Variants in DUSP13A observed in about 807,000 individuals in gnomAD.
DUSP13A encodes the protein dual specificity phosphatase 13A, also known as dual specificity protein phosphatase 13A.
At chr10:75,106,895 A>C in the DUSP13A span, among the ~76,000 whole-genome samples, 5 of 152,256 alleles carry the variant, frequency 3.3e-5, no homozygotes, top group Non-Finnish European at 7.3e-5. Flanking sequence ...AGGAAACTGA[A>C]GTCCAGAAAG....
the DUSP13A span, chr10:75,105,840 G>A: frequency 2.2e-5 from 34 of 1,550,410 alleles, no homozygotes; most frequent in Non-Finnish European, 2.8e-5. Context: ...AGCGGCTCAC[G>A]CCCACCACAC....
chr10:75,109,130 C>A, the DUSP13A span: 6 of 1,606,168 alleles, frequency 3.7e-6, no homozygotes, highest in Non-Finnish European at 5.1e-6. Context: ...TCCTCTCCCC[C>A]CAGCTCTGGG....
chr10:75,107,478 G>T, the DUSP13A span, among the ~76,000 whole-genome samples: 5 of 152,320 alleles, frequency 3.3e-5, no homozygotes, highest in South Asian at 6.2e-4. Context: ...CAGCCTCAGG[G>T]TTGCTCCTAA....
At chr10:75,108,865 G>C in the DUSP13A span, 7 of 1,092,160 alleles carry the variant, frequency 6.4e-6, no homozygotes, top group South Asian at 3.7e-5. Flanking sequence ...CAGCACCCCC[G>C]GGGGTCCTGG....
At chr10:75,107,448 T>C in the DUSP13A span, among the ~76,000 whole-genome samples, 1 of 152,226 alleles carries the variant, frequency 6.6e-6, no homozygotes, top group Admixed American at 6.5e-5. Context: ...GCTGTTCTGC[T>C]GTTTGGGAGA....
At chr10:75,109,027 T>C in the DUSP13A span, 4 of 1,608,878 alleles carry the variant, frequency 2.5e-6, no homozygotes, top group Middle Eastern at 1.7e-4. Context: ...TATGAAAAGG[T>C]TGGGCCAAAC....
the DUSP13A span, chr10:75,109,045 A>C: frequency 6.2e-7 from 1 of 1,611,868 alleles, no homozygotes; most frequent in Non-Finnish European, 8.5e-7. Flanking sequence ...AACTTCGTCC[A>C]CACGGCTGCA....
chr10:75,105,944 C>A, the DUSP13A span: 5 of 1,372,434 alleles, frequency 3.6e-6, no homozygotes, highest in Non-Finnish European at 5.0e-6. Context: ...GACCCAAGTT[C>A]CTTTCCTGAC....
the DUSP13A span, chr10:75,107,871 A>C: frequency 2.5e-6 from 3 of 1,220,620 alleles, no homozygotes; most frequent in African/African-American, 4.6e-5. Flanking sequence ...GCCACCACAC[A>C]CGGCCTAAGC....
At chr10:75,108,097 C>G in the DUSP13A span, 1 of 1,613,870 alleles carries the variant, frequency 6.2e-7, no homozygotes, top group Non-Finnish European at 8.5e-7. Flanking sequence ...AGGTAGCTCA[C>G]ACTGCTGCCG....
At chr10:75,108,136 G>A in the DUSP13A span, 2 of 1,613,482 alleles carry the variant, frequency 1.2e-6, no homozygotes, top group Non-Finnish European at 1.7e-6. Flanking sequence ...TGACAGTAGA[G>A]GCCCTTGTGG....
the DUSP13A span, chr10:75,108,294 A>C: frequency 2.0e-6 from 3 of 1,505,100 alleles, no homozygotes; most frequent in East Asian, 2.3e-5. Context: ...CTGCAGAGGG[A>C]CCGAGCCATT....
At chr10:75,106,004 G>A in the DUSP13A span, 2 of 767,500 alleles carry the variant, frequency 2.6e-6, no homozygotes, top group South Asian at 3.5e-5. Flanking sequence ...CAGCCTTTAT[G>A]GACCTCAGTT....
chr10:75,106,610 G>GCC, the DUSP13A span, among the ~76,000 whole-genome samples: 1 of 152,238 alleles, frequency 6.6e-6, no homozygotes, highest in South Asian at 2.1e-4. Context: ...TAGCACCCCC[G>GCC]CCGTGTGCTC....
chr10:75,107,952 A>G, the DUSP13A span: 1 of 1,573,036 alleles, frequency 6.4e-7, no homozygotes, highest in Non-Finnish European at 8.6e-7. Flanking sequence ...CTCCCCATGA[A>G]TGAGCAAGAT....
At chr10:75,108,347 T>G in the DUSP13A span, 1 of 1,427,162 alleles carries the variant, frequency 7.0e-7, no homozygotes, top group East Asian at 2.5e-5. Flanking sequence ...CCAAGTGGGG[T>G]CTGACTCCAC....
chr10:75,105,737 G>A, the DUSP13A span: 3 of 1,554,568 alleles, frequency 1.9e-6, no homozygotes, highest in South Asian at 1.2e-5. Context: ...CCTCGGTTGG[G>A]GAAGACCCAT....
the DUSP13A span, chr10:75,108,054 T>C: frequency 6.2e-7 from 1 of 1,613,778 alleles, no homozygotes; most frequent in African/African-American, 1.3e-5. Context: ...GGCACTGATG[T>C]CAAAATCAGG....
the DUSP13A span, chr10:75,108,958 A>G: frequency 6.5e-7 from 1 of 1,548,352 alleles, no homozygotes; most frequent in South Asian, 1.2e-5. Context: ...GCGACCAAGA[A>G]CTGCCTCTCC....
Sources: allele counts gnomAD v4.1 joint callset (sites outside exome capture counted in the v4.1 genomes callset), GRCh38; gene constraint gnomAD v4.1.1; transcripts MANE v1.5; gene names NCBI Gene and HGNC (gene_info 2026-07-23, HGNC 2026-07-21).